HS6ST3: variants seen among roughly 807,000 people sequenced by gnomAD.
The protein encoded by HS6ST3 is heparan-sulfate 6-O-sulfotransferase 3.
A neutral mutation model predicts 36.7 loss-of-function variants in HS6ST3; 12 were observed. That is an observed-to-expected ratio of 0.33 (90% CI 0.21 to 0.53). The LOEUF (loss-of-function observed/expected upper bound fraction) is 0.53, where lower values mean the gene tolerates loss of function less well. Ranked by LOEUF, HS6ST3 falls within the 20% of genes least tolerant of loss-of-function variation. The pLI, the probability that HS6ST3 is intolerant of heterozygous loss-of-function variation, is 0.95. For missense variants in HS6ST3, 584 were observed against 640.9 expected, an observed-to-expected ratio of 0.91 and a Z score of 0.96; for synonymous variants, 240 against 257.5, an observed-to-expected ratio of 0.93 and a Z score of 0.65.
rs572642260 is a variant in HS6ST3 at position 96,736,230 on chromosome 13, A to T, written c.708-96260A>T. On this transcript the variant is annotated intron_variant, in intron 1 of 1. Transcript: ENST00000376705. ...GCACGTGTACCCCTGAACTTAAAAA[A>T]GAAGTTAAAAAAACAAACAAACAAG... Among the ~76,000 whole-genome samples, 5 of 152,346 alleles carry T rather than the reference A, an allele frequency of 3.3e-5. No individual in the cohort carries two copies. The East Asian group carries it at 9.6e-4, about 29-fold the overall frequency.
chr13:96,117,313 A>G (rs968584202), intron 1 of HS6ST3, among the ~76,000 whole-genome samples: 1 of 152,230 alleles, frequency 6.6e-6, no homozygotes, highest in Non-Finnish European at 1.5e-5. Flanking sequence ...CCTATGGTCT[A>G]AACACATCAA....
At chr13:96,181,849 A>G (rs1416118605) in intron 1 of HS6ST3, among the ~76,000 whole-genome samples, 2 of 152,058 alleles carry the variant, frequency 1.3e-5, no homozygotes, top group African/African-American at 4.8e-5. Flanking sequence ...GTTTGTTGCA[A>G]TTTATCTTTT....
intron 1 of HS6ST3, among the ~76,000 whole-genome samples, chr13:96,500,820 T>G (rs1190115508): frequency 2.0e-5 from 3 of 152,224 alleles, no homozygotes; most frequent in African/African-American, 7.2e-5. Context: ...TGAAATCAAT[T>G]AAAATGTAAT....
intron 1 of HS6ST3, among the ~76,000 whole-genome samples, chr13:96,543,739 T>C (rs1195974216): frequency 6.6e-6 from 1 of 152,172 alleles, no homozygotes; most frequent in Non-Finnish European, 1.5e-5. Context: ...AAAGTGTGGC[T>C]GATTGTGCTT....
intron 1 of HS6ST3, among the ~76,000 whole-genome samples, chr13:96,427,462 GTGT>G (rs2055592870): frequency 6.6e-6 from 1 of 151,980 alleles, no homozygotes; most frequent in East Asian, 1.9e-4. Context: ...TCCACTGGTG[GTGT>G]TTTATTAGTT....
At chr13:96,817,846 G>A (rs1023140105) in intron 1 of HS6ST3, among the ~76,000 whole-genome samples, 6 of 152,062 alleles carry the variant, frequency 3.9e-5, no homozygotes, top group Non-Finnish European at 8.8e-5. Flanking sequence ...ACTAAGAAGG[G>A]AAATTACAGT....
chr13:96,108,649 A>G (rs2053853623), intron 1 of HS6ST3, among the ~76,000 whole-genome samples: 1 of 152,114 alleles, frequency 6.6e-6, no homozygotes, highest in African/African-American at 2.4e-5. Context: ...CTTTATTCTC[A>G]GACCAGCCGA....
chr13:96,568,818 TTGCAATCCAC>T (rs2138960600), intron 1 of HS6ST3, among the ~76,000 whole-genome samples: 1 of 152,364 alleles, frequency 6.6e-6, no homozygotes, highest in Admixed American at 6.5e-5. Context: ...TAACACTTGG[TTGCAATCCAC>T]TGCAATCTTA....
At chr13:96,665,813 T>C (rs1470110219) in intron 1 of HS6ST3, among the ~76,000 whole-genome samples, 1 of 152,172 alleles carries the variant, frequency 6.6e-6, no homozygotes, top group African/African-American at 2.4e-5. Context: ...TTAAGTCTTG[T>C]TATTACTCAT....
At chr13:96,267,231 C>A (rs1159249555) in intron 1 of HS6ST3, among the ~76,000 whole-genome samples, 3 of 152,150 alleles carry the variant, frequency 2.0e-5, no homozygotes, top group Admixed American at 2.0e-4. Flanking sequence ...ACTGTGAGTC[C>A]ATTAAACCTC....
intron 1 of HS6ST3, among the ~76,000 whole-genome samples, chr13:96,617,702 G>T (rs1021680153): frequency 6.6e-6 from 1 of 152,188 alleles, no homozygotes; most frequent in South Asian, 2.1e-4. Context: ...TGGTTGGCAA[G>T]GGTTGGTCCC....
At chr13:96,791,577 T>C (rs780945234) in intron 1 of HS6ST3, among the ~76,000 whole-genome samples, 1 of 152,022 alleles carries the variant, frequency 6.6e-6, no homozygotes, top group Non-Finnish European at 1.5e-5. Context: ...GTAATGTGTG[T>C]TATTTGGAAA....
chr13:96,589,668 A>G lies in HS6ST3; in HGVS notation c.708-242822A>G, dbSNP rs1194373217. Among the ~76,000 whole-genome samples the G allele has an allele frequency of 3.3e-5, 5 of 152,018 alleles. No individual in the cohort carries two copies. The South Asian group carries it at 8.3e-4, about 25-fold the overall frequency. On this transcript the variant is annotated intron_variant, in intron 1 of 1. Coordinates refer to ENST00000376705, the MANE Select transcript of HS6ST3 (RefSeq NM_153456.4). ...TTGATATGGGTGTGTATTGCTATAA[A>G]CATCCCTCATAGAATTGCTTTTTCT...
intron 1 of HS6ST3, among the ~76,000 whole-genome samples, chr13:96,330,250 G>C (rs369522078): frequency 6.6e-6 from 1 of 151,372 alleles, no homozygotes; most frequent in Non-Finnish European, 1.5e-5. Context: ...GATTTTGCTC[G>C]TTAGTTGATG....
chr13:96,328,409 C>A (rs1486054964), intron 1 of HS6ST3, among the ~76,000 whole-genome samples: 8 of 151,596 alleles, frequency 5.3e-5, no homozygotes, highest in South Asian at 2.1e-4. Context: ...GAATTTTGTC[C>A]AAGGCCTTTT....
chr13:96,438,802 A>G (rs1033347927), intron 1 of HS6ST3, among the ~76,000 whole-genome samples: 3 of 152,336 alleles, frequency 2.0e-5, no homozygotes, highest in Non-Finnish European at 4.4e-5. Flanking sequence ...ACAGTGGCTC[A>G]TGCCTGTAAT....
At chr13:96,700,936 G>C (rs1295449928) in intron 1 of HS6ST3, among the ~76,000 whole-genome samples, 1 of 152,052 alleles carries the variant, frequency 6.6e-6, no homozygotes, top group Non-Finnish European at 1.5e-5. Flanking sequence ...AAGGGCATTG[G>C]GACATCCAGG....
chr13:96,304,719 T>TTCTTTC (rs1566317948), intron 1 of HS6ST3, among the ~76,000 whole-genome samples: 2 of 53,504 alleles, frequency 3.7e-5, no homozygotes, highest in Admixed American at 1.5e-4. Flanking sequence ...TTCTTTTTTT[T>TTCTTTC]TTTTTTTTTT....
At chr13:96,739,414 C>T (rs1399758908) in intron 1 of HS6ST3, among the ~76,000 whole-genome samples, 1 of 152,070 alleles carries the variant, frequency 6.6e-6, no homozygotes, top group African/African-American at 2.4e-5. Flanking sequence ...TCAGCATTTC[C>T]AACTTGATAT....
Sources: gnomAD v4.1 joint callset for allele counts (sites outside exome capture counted in the v4.1 genomes callset) on GRCh38, gnomAD v4.1.1 for gene constraint, MANE v1.5 for transcripts, NCBI Gene and HGNC (gene_info 2026-07-23, HGNC 2026-07-21) for gene names.